Variants in ICE1 observed in about 807,000 individuals in gnomAD.
ICE1 encodes the protein interactor of little elongation complex ELL subunit 1.
ICE1 carries 64 observed loss-of-function variants against 192.7 expected under a neutral mutation model. The ratio of observed to expected loss-of-function variants is 0.33; its 90% CI spans 0.27 to 0.41. The LOEUF is 0.41. ICE1 is among the 10% of genes least tolerant of loss of function. The pLI is 1.00. For synonymous variants in ICE1, 1,010 were observed against 984.5 expected, an observed-to-expected ratio of 1.03 and a Z score of -0.49; for missense variants, 2,708 against 2,696.0, an observed-to-expected ratio of 1.00 and a Z score of -0.10.
intron 17 of ICE1, among the ~76,000 whole-genome samples, chr5:5,476,669 G>A (rs1290341974): frequency 6.6e-6 from 1 of 152,148 alleles, no homozygotes; most frequent in Non-Finnish European, 1.5e-5. Flanking sequence ...CAAATCTCCT[G>A]TGAACTCAGA....
chr5:5,462,825 T>C lies in ICE1; in HGVS notation c.3491T>C (p.Phe1164Ser). 1 of 1,611,178 alleles carries C rather than the reference T, an allele frequency of 6.2e-7. No homozygotes were observed. The highest frequency in any genetic ancestry group is 1.7e-4 in the Middle Eastern group (1 of 6,060). ...SALQDFNIST[F>S]SELDRLSTSE... Reference sequence around the variant, plus strand: ...CTGCAAGATTTTAACATAAGTACTTTTTCTGAGCTGGATAGACTTTCCACA... The same window carrying C: ...CTGCAAGATTTTAACATAAGTACTTCTTCTGAGCTGGATAGACTTTCCACA... The change falls in exon 13 of 19, where the codon TTT (phenylalanine) becomes TCT (serine). Residue 1164 changes from phenylalanine to serine, a missense_variant. This residue lies in a region of ICE1 where 2,366 missense variants were observed against 2,276.6 expected (regional missense o/e 1.04). Transcript: ENST00000296564.
At chr5:5,429,833 A>G (rs1397423334) in intron 1 of ICE1, among the ~76,000 whole-genome samples, 1 of 152,172 alleles carries the variant, frequency 6.6e-6, no homozygotes, top group Non-Finnish European at 1.5e-5. Flanking sequence ...AGGGTATTGT[A>G]TGGATAAAGT....
In ICE1 at chr5:5,463,555, C is replaced by A. The variant is rs62000446; in HGVS notation, c.4221C>A (p.Asn1407Lys). ...CAACAGTGACCTCAGAAGTTATAAACGTACTTATAAATAAGGATCAGAATC... is the reference window on the plus strand; with the variant it reads ...CAACAGTGACCTCAGAAGTTATAAAAGTACTTATAAATAAGGATCAGAATC... ...QIATVTSEVI[N>K]VLINKDQNLV... is the part of the protein sequence containing the mutation. Residue 1407 changes from asparagine to lysine, a missense_variant, in exon 13 of 19, where the codon AAC becomes AAA. Asn to Lys is a moderately conservative substitution (Grantham distance 94). Coordinates refer to ENST00000296564, the MANE Select transcript of ICE1 (RefSeq NM_015325.3). 1 of 1,613,818 alleles carries A rather than the reference C, an allele frequency of 6.2e-7. No homozygotes were observed. The highest frequency in any genetic ancestry group is 1.1e-5 in the South Asian group (1 of 91,076).
intron 18 of ICE1, among the ~76,000 whole-genome samples, chr5:5,488,061 C>A (rs1739677523): frequency 6.6e-6 from 1 of 150,392 alleles, no homozygotes; most frequent in Non-Finnish European, 1.5e-5. Flanking sequence ...TTATTTTTAA[C>A]CTCTTGTGTT....
chr5:5,443,144 T>C (rs1738099257), intron 5 of ICE1, 24 bp from the exon 6 acceptor site: 7 of 1,304,102 alleles, frequency 5.4e-6, no homozygotes, highest in South Asian at 1.4e-5. Context: ...TTTGACAATA[T>C]CTGTTTTTTT....
Position 5,460,774 on chromosome 5 carries a change from T to C in ICE1, c.1440T>C (p.His480=). 6.2e-7 allele frequency: 1 copy of C among 1,613,984 alleles called. No individual in the cohort carries two copies. Among genetic ancestry groups the C allele is most frequent in the East Asian group, 2.2e-5 (1 of 44,878 alleles). ...SMSDRKRDIL[H]ETKTQMEVRE... is the part of the protein sequence containing the mutation. The stretch of plus-strand genomic sequence containing the variant: ...GTGATAGAAAAAGAGACATTTTACA[T>C]GAGACAAAAACACAAATGGAGGTTA... Residue 480 remains histidine, a synonymous_variant, in exon 13 of 19, where the codon CAT becomes CAC. Coordinates refer to ENST00000296564, the MANE Select transcript of ICE1 (RefSeq NM_015325.3).
intron 15 of ICE1, among the ~76,000 whole-genome samples, chr5:5,473,198 A>ATAGAATT (rs1249020127): frequency 8.5e-5 from 13 of 152,374 alleles, no homozygotes; most frequent in African/African-American, 2.9e-4. Flanking sequence ...CAGAAAAATA[A>ATAGAATT]TAGAATTTAA....
intron 1 of ICE1, among the ~76,000 whole-genome samples, chr5:5,431,218 C>T (rs1408806485): frequency 6.6e-6 from 1 of 151,950 alleles, no homozygotes; most frequent in East Asian, 1.9e-4. Flanking sequence ...CCAAAGAACT[C>T]AAAAGAGAAT....
In ICE1 at chr5:5,465,044, C is replaced by G; in HGVS notation, c.5710C>G (p.Pro1904Ala). Residue 1904 changes from proline (P) to alanine (A), a missense_variant, in exon 13 of 19, where the codon CCA becomes GCA. Coordinates refer to ENST00000296564, the MANE Select transcript of ICE1 (RefSeq NM_015325.3). The part of the protein sequence containing the change: ...VSAVSQLPLS[P>A]KETVESHDKA... ...TGCAGTTTCACAGTTGCCTTTAAGC[C>G]CAAAAGAAACTGTGGAGTCCCATGA... 6.2e-7 allele frequency: 1 copy of G among 1,613,886 alleles called. No individual in the cohort carries two copies. The highest frequency in any genetic ancestry group is 8.5e-7 in the Non-Finnish European group (1 of 1,179,866).
At chr5:5,479,994 C>T (rs1398347150) in intron 17 of ICE1, among the ~76,000 whole-genome samples, 1 of 152,034 alleles carries the variant, frequency 6.6e-6, no homozygotes, top group East Asian at 1.9e-4. Flanking sequence ...GACTTAAAAC[C>T]TAGATGATGG....
chr5:5,427,939 T>C (rs759703300), intron 1 of ICE1, among the ~76,000 whole-genome samples: 1 of 152,126 alleles, frequency 6.6e-6, no homozygotes, highest in Non-Finnish European at 1.5e-5. Context: ...GACAGTTATA[T>C]AGGAATTGTG....
intron 1 of ICE1, among the ~76,000 whole-genome samples, chr5:5,423,614 G>A (rs1737410369): frequency 6.6e-6 from 1 of 152,202 alleles, no homozygotes; most frequent in Admixed American, 6.5e-5. Flanking sequence ...TTCTAACAGC[G>A]GCGTGGGCTC....
chr5:5,424,542 T>C lies in ICE1; in HGVS notation c.84+1543T>C, dbSNP rs1737466251. Among the ~76,000 whole-genome samples, 3 of 152,344 alleles carry C rather than the reference T, an allele frequency of 2.0e-5. No individual in the cohort carries two copies. The South Asian group carries it at 6.2e-4, about 32-fold the overall frequency. Reference sequence around the variant, plus strand: ...TTAGGGGAGAAAAAGACAAAAATTCTTGATCTCTTGGAGCTTCCGTTCTAG... The same window carrying C: ...TTAGGGGAGAAAAAGACAAAAATTCCTGATCTCTTGGAGCTTCCGTTCTAG... On this transcript the variant is annotated intron_variant, in intron 1 of 18. Coordinates refer to ENST00000296564, the MANE Select transcript of ICE1 (RefSeq NM_015325.3).
chr5:5,458,068 C>T (rs142827571), intron 12 of ICE1, among the ~76,000 whole-genome samples: 84 of 152,256 alleles, frequency 5.5e-4, no homozygotes, highest in African/African-American at 1.8e-3. Context: ...TATTTGTATA[C>T]ATGGAGTTAT....
At chr5:5,451,233 G>A (rs1738405846) in intron 10 of ICE1, among the ~76,000 whole-genome samples, 1 of 152,170 alleles carries the variant, frequency 6.6e-6, no homozygotes, top group East Asian at 1.9e-4. Context: ...AAACAGTAGG[G>A]CAATATTTAT....
At position 5,463,243 on chromosome 5, in the gene ICE1, T is replaced by C. The variant is rs752638244; in HGVS notation, c.3909T>C (p.Ser1303=). The C allele has an allele frequency of 6.2e-6, 10 of 1,612,168 alleles. No homozygotes were observed. The highest frequency in any genetic ancestry group is 7.6e-6 in the Non-Finnish European group (9 of 1,179,324). ...CCACTGAGAATTTAAAAGAGAAAAG[T>C]CCATTTCGGGAAACGACTGGCTCCT... The part of the protein sequence containing the change: ...NMTTENLKEK[S]PFRETTGSSS... Residue 1303 remains serine, a synonymous_variant, in exon 13 of 19, where the codon AGT becomes AGC. Transcript: ENST00000296564.
intron 10 of ICE1, among the ~76,000 whole-genome samples, chr5:5,448,323 G>T (rs1313730038): frequency 1.3e-5 from 2 of 152,122 alleles, no homozygotes; most frequent in Non-Finnish European, 2.9e-5. Flanking sequence ...ATATAGTATA[G>T]ACAGAAAAGT....
At chr5:5,447,802 T>G (rs1372817420) in intron 9 of ICE1, 39 bp from the exon 10 acceptor site, 2 of 1,569,876 alleles carry the variant, frequency 1.3e-6, no homozygotes, top group East Asian at 2.3e-5. Flanking sequence ...ATTTTTGATA[T>G]GTAGTATTTT....
At chr5:5,477,387 G>A (rs1739349648) in intron 17 of ICE1, among the ~76,000 whole-genome samples, 1 of 152,144 alleles carries the variant, frequency 6.6e-6, no homozygotes, top group Admixed American at 6.5e-5. Context: ...AGAAAATCTA[G>A]AAGAAATGGA....
Sources: gnomAD v4.1 joint callset for allele counts (sites outside exome capture counted in the v4.1 genomes callset) on GRCh38, gnomAD v4.1.1 for gene constraint, gnomAD v4.1.1 regional missense constraint, MANE v1.5 for transcripts, NCBI Gene and HGNC (gene_info 2026-07-23, HGNC 2026-07-21) for gene names.